Variants in CNTN1 observed in about 807,000 individuals in gnomAD.
CNTN1 encodes contactin 1.
CNTN1 carries 38 observed loss-of-function variants against 126.4 expected under a neutral mutation model. That is an observed-to-expected ratio of 0.30 (90% CI 0.23 to 0.39). CNTN1 has a LOEUF of 0.39. Ranked by LOEUF, CNTN1 falls within the 10% of genes least tolerant of loss-of-function variation. The pLI is 1.00. For missense variants in CNTN1, 1,009 were observed against 1,248.4 expected (o/e 0.81, Z 2.89); for synonymous variants, 413 against 422.6 (o/e 0.98, Z 0.28).
chr12:41,010,198 TGGTTTGAGCCACTGGAGCTCC>T (rs928673049), intron 17 of CNTN1, among the ~76,000 whole-genome samples: 4 of 152,020 alleles, frequency 2.6e-5, no homozygotes, highest in African/African-American at 9.7e-5. Context: ...TGCTGTATGT[TGGTTTGAGCCACTGGAGCTCC>T]GGGACCCATC....
At chr12:41,042,602 C>T (rs1306160111) in intron 23 of CNTN1, among the ~76,000 whole-genome samples, 1 of 151,868 alleles carries the variant, frequency 6.6e-6, no homozygotes, top group Non-Finnish European at 1.5e-5. Context: ...TGGGTGCCAT[C>T]CCCCTCAAGC....
At chr12:40,846,091 A>G (rs1942489261) in intron 1 of CNTN1, among the ~76,000 whole-genome samples, 1 of 152,156 alleles carries the variant, frequency 6.6e-6, no homozygotes, top group Admixed American at 6.6e-5. Context: ...AACACTGCGG[A>G]GGAAGTTAGA....
At chr12:40,990,334 A>C (rs538411783) in intron 16 of CNTN1, among the ~76,000 whole-genome samples, 23 of 152,280 alleles carry the variant, frequency 1.5e-4, no homozygotes, top group African/African-American at 5.1e-4. Context: ...TCCATTCTGG[A>C]ATTCCATCCC....
chr12:41,048,681 CAAAACAA>C (rs1240147915), intron 23 of CNTN1, among the ~76,000 whole-genome samples: 2 of 133,888 alleles, frequency 1.5e-5, no homozygotes, highest in African/African-American at 5.6e-5. Flanking sequence ...ACAAATAAGA[CAAAACAA>C]AACAGAGCAA....
chr12:40,811,320 GT>G (rs1385746598), intron 1 of CNTN1, among the ~76,000 whole-genome samples: 1 of 152,116 alleles, frequency 6.6e-6, no homozygotes, highest in African/African-American at 2.4e-5. Context: ...AAAACACTGA[GT>G]TGAGGATATT....
chr12:40,920,229 A>G lies in CNTN1; in HGVS notation c.227+1458A>G, dbSNP rs1945387427. Among the ~76,000 whole-genome samples the G allele has an allele frequency of 2.0e-5, 3 of 152,144 alleles. No homozygotes were observed. The South Asian group carries it at 6.2e-4, about 32-fold the overall frequency. Reference sequence around the variant, plus strand: ...TCAGTCTCTAGGCTAGAACAGAGGCAACCAAAAGAAAGGGCTGCTCTCAGA... The same window carrying G: ...TCAGTCTCTAGGCTAGAACAGAGGCGACCAAAAGAAAGGGCTGCTCTCAGA... On this transcript the variant is annotated intron_variant, in intron 4 of 23. Transcript: ENST00000551295.
chr12:40,785,779 A>T (rs150382849), intron 1 of CNTN1, among the ~76,000 whole-genome samples: 1 of 152,244 alleles, frequency 6.6e-6, no homozygotes, highest in East Asian at 1.9e-4. Flanking sequence ...GGCCATCTGG[A>T]TGGCTTAGCT....
chr12:40,791,200 AG>A (rs1252314708), intron 1 of CNTN1, among the ~76,000 whole-genome samples: 3 of 152,108 alleles, frequency 2.0e-5, no homozygotes. Context: ...TTTATATTTT[AG>A]CAAATGAAAA....
At chr12:41,027,217 T>A (rs1023177894) in intron 21 of CNTN1, among the ~76,000 whole-genome samples, 1 of 152,130 alleles carries the variant, frequency 6.6e-6, no homozygotes, top group Non-Finnish European at 1.5e-5. Context: ...TAGCCACATA[T>A]GTCTAGAGGT....
At chr12:40,806,866 C>T (rs1278306217) in intron 1 of CNTN1, among the ~76,000 whole-genome samples, 1 of 152,008 alleles carries the variant, frequency 6.6e-6, no homozygotes, top group Admixed American at 6.6e-5. Flanking sequence ...TACATGATTA[C>T]CTTGTAGTCT....
chr12:40,904,333 T>TCTC (rs1944729044), intron 1 of CNTN1, among the ~76,000 whole-genome samples: 1 of 146,190 alleles, frequency 6.8e-6, no homozygotes, highest in Non-Finnish European at 1.5e-5. Context: ...TCTTTTTCCT[T>TCTC]CTCCTTCTTC....
chr12:40,994,053 TG>T (rs1373630902), intron 17 of CNTN1, among the ~76,000 whole-genome samples: 1 of 152,144 alleles, frequency 6.6e-6, no homozygotes, highest in Non-Finnish European at 1.5e-5. Context: ...AAATATTTAA[TG>T]TTGTCACTTC....
At chr12:40,784,580 T>C (rs1268610906) in intron 1 of CNTN1, among the ~76,000 whole-genome samples, 1 of 152,040 alleles carries the variant, frequency 6.6e-6, no homozygotes, top group African/African-American at 2.4e-5. Context: ...AGGATAAAGA[T>C]GAAGTGAAAG....
chr12:40,980,809 T>TTATG, intron 15 of CNTN1, 100 bp from the exon 16 acceptor site: 4 of 1,090,624 alleles, frequency 3.7e-6, no homozygotes, highest in Non-Finnish European at 5.6e-6. Flanking sequence ...ATTGGACAAA[T>TTATG]GTTCTTTAGA....
At position 41,057,047 on chromosome 12, in the gene CNTN1, G is replaced by A. The variant is rs1229325160; in HGVS notation, c.2981-12912G>A. On this transcript the variant is annotated intron_variant, in intron 23 of 23. Coordinates refer to ENST00000551295, the MANE Select transcript of CNTN1 (RefSeq NM_001843.4). ...TATTTATAAATATTATAAATATTTA[G>A]ATATTTATAAATATTATAAATATTT... 3.7e-5 allele frequency among the ~76,000 whole-genome samples: 4 copies of A among 109,430 alleles called. 1 individual carries two copies. The highest frequency in any genetic ancestry group is 7.1e-5 in the Non-Finnish European group (4 of 56,380). The allele number at this position is 109,430 out of a possible 152,430, so 71.8% of individuals were successfully genotyped here.
At chr12:40,913,797 T>C (rs1432313124) in intron 3 of CNTN1, among the ~76,000 whole-genome samples, 1 of 152,198 alleles carries the variant, frequency 6.6e-6, no homozygotes, top group East Asian at 1.9e-4. Flanking sequence ...AGCTTTTGCC[T>C]CTCATTTACA....
At chr12:40,703,900 A>C (rs993481021) in intron 1 of CNTN1, among the ~76,000 whole-genome samples, 1 of 152,182 alleles carries the variant, frequency 6.6e-6, no homozygotes, top group South Asian at 2.1e-4. Context: ...CTTGCCTTCA[A>C]GAGTCTTCTA....
intron 1 of CNTN1, among the ~76,000 whole-genome samples, chr12:40,893,518 G>C (rs111325290): frequency 9.2e-5 from 14 of 151,860 alleles, no homozygotes; most frequent in African/African-American, 3.4e-4. Context: ...TTTTACCTTG[G>C]CAGGAACTTT....
intron 4 of CNTN1, among the ~76,000 whole-genome samples, chr12:40,919,904 A>T (rs953260377): frequency 3.9e-5 from 6 of 152,162 alleles, no homozygotes; most frequent in African/African-American, 1.4e-4. Flanking sequence ...GCCATATATA[A>T]TGAGAGCCTA....
Sources: allele counts gnomAD v4.1 joint callset (sites outside exome capture counted in the v4.1 genomes callset), GRCh38; gene constraint gnomAD v4.1.1; transcripts MANE v1.5; gene names NCBI Gene and HGNC (gene_info 2026-07-23, HGNC 2026-07-21).